Variants in DEUP1 observed in about 807,000 individuals in gnomAD.
DEUP1 encodes the protein coiled-coil domain containing 67.
In DEUP1, 82 loss-of-function variants were observed where a neutral mutation model predicts 87.4. The observed-to-expected ratio is 0.94, with a 90% CI of 0.78 to 1.13. The LOEUF (loss-of-function observed/expected upper bound fraction) is 1.13, where lower values mean the gene tolerates loss of function less well. DEUP1 is among the 50% of genes most tolerant of loss of function. The probability of loss-of-function intolerance (pLI) is 0.00; values close to 1 mark genes in which losing one functional copy is unlikely to be tolerated. For synonymous variants in DEUP1, 214 were observed against 222.7 expected (o/e 0.96, Z 0.35); for missense variants, 663 against 681.5 (o/e 0.97, Z 0.30).
chr11:93,416,774 T>A (rs1239303049), intron 13 of DEUP1, among the ~76,000 whole-genome samples: 1 of 150,650 alleles, frequency 6.6e-6, no homozygotes, highest in South Asian at 2.1e-4. Context: ...GATGCAAAAA[T>A]CCTCAATAAA....
In DEUP1 at chr11:93,369,881, G is replaced by A. The variant is rs1352196004; in HGVS notation, c.433-192G>A. On this transcript the variant is annotated intron_variant, in intron 5 of 13. Coordinates refer to ENST00000298050, the MANE Select transcript of DEUP1 (RefSeq NM_181645.4). ...CAGGGGGCGGAGCCTGCAGTGAGCCGAGATTGCGCCACTGCACTCCAGCCT... is the reference window on the plus strand; with the variant it reads ...CAGGGGGCGGAGCCTGCAGTGAGCCAAGATTGCGCCACTGCACTCCAGCCT... 3.5e-4 allele frequency among the ~76,000 whole-genome samples: 2 copies of A among 5,670 alleles called. 1 individual carries two copies. Among genetic ancestry groups the A allele is most frequent in the African/African-American group, 1.6e-3 (2 of 1,288 alleles). The allele number at this position is 5,670 out of a possible 152,430, so 3.7% of individuals were successfully genotyped here.
intron 9 of DEUP1, among the ~76,000 whole-genome samples, chr11:93,393,024 CCCTCCTCCTCCTCCTTCTACTTCTTTCT>C (rs1174605066): frequency 4.5e-5 from 6 of 133,494 alleles, no homozygotes; most frequent in Non-Finnish European, 9.3e-5. Context: ...CTCCTCTGAG[CCCTCCTCCTCCTCCTTCTACTTCTTTCT>C]CCTCCTCCTC....
intron 13 of DEUP1, among the ~76,000 whole-genome samples, chr11:93,419,556 C>G (rs1236281960): frequency 1.3e-5 from 2 of 152,130 alleles, no homozygotes; most frequent in Non-Finnish European, 1.5e-5. Flanking sequence ...ATTTTCTAGG[C>G]ACCACCAACT....
intron 7 of DEUP1, among the ~76,000 whole-genome samples, chr11:93,378,883 CTA>C (rs1946166815): frequency 6.6e-6 from 1 of 152,146 alleles, no homozygotes. Context: ...CCAGACACTG[CTA>C]TGTCTGTCCA....
chr11:93,375,578 T>TA (rs1419828584), intron 7 of DEUP1, among the ~76,000 whole-genome samples: 1 of 152,196 alleles, frequency 6.6e-6, no homozygotes, highest in Non-Finnish European at 1.5e-5. Context: ...TTATGAGGTG[T>TA]ATTGCATTTA....
At chr11:93,430,951 CT>C (rs897785856) in intron 13 of DEUP1, among the ~76,000 whole-genome samples, 3 of 151,904 alleles carry the variant, frequency 2.0e-5, no homozygotes, top group Admixed American at 6.6e-5. Flanking sequence ...CAAAAATTGG[CT>C]GGGCGTGGTG....
intron 2 of DEUP1, among the ~76,000 whole-genome samples, chr11:93,351,539 T>A (rs1944629646): frequency 6.6e-6 from 1 of 152,234 alleles, no homozygotes; most frequent in Admixed American, 6.5e-5. Context: ...TACAAGGTGA[T>A]ACATGTTGTC....
At chr11:93,355,300 C>A in intron 2 of DEUP1, 71 bp from the exon 3 acceptor site, 1 of 1,274,522 alleles carries the variant, frequency 7.8e-7, no homozygotes, top group Non-Finnish European at 1.1e-6. Flanking sequence ...CTATGCAGAG[C>A]AATGTAATAA....
At chr11:93,420,472 A>T (rs1274533079) in intron 13 of DEUP1, among the ~76,000 whole-genome samples, 1 of 151,790 alleles carries the variant, frequency 6.6e-6, no homozygotes, top group Admixed American at 6.6e-5. Flanking sequence ...AATGGGCAAA[A>T]ACTGGAAGCA....
intron 11 of DEUP1, among the ~76,000 whole-genome samples, chr11:93,407,880 C>G (rs940142314): frequency 4.7e-5 from 7 of 147,960 alleles, no homozygotes; most frequent in Non-Finnish European, 7.4e-5. Flanking sequence ...ATGGCAAAAA[C>G]CGCAATTACT....
At chr11:93,373,688 G>A in intron 7 of DEUP1, among the ~76,000 whole-genome samples, 1 of 145,356 alleles carries the variant, frequency 6.9e-6, no homozygotes, top group East Asian at 2.0e-4. Flanking sequence ...TCCACTCATT[G>A]ATTGATAGGC....
In DEUP1 at chr11:93,355,353, C is replaced by A; in HGVS notation, c.30-18C>A. ...TTTCACTACTTTAAAATGTATTTTA[C>A]TTTCCTACAATTGCCAGAACTTCTC... On this transcript the variant is annotated intron_variant, in intron 2 of 13. Coordinates refer to ENST00000298050, the MANE Select transcript of DEUP1 (RefSeq NM_181645.4). The A allele has an allele frequency of 6.2e-7, 1 of 1,609,976 alleles. No homozygotes were observed.
intron 2 of DEUP1, 119 bp downstream of exon 2, chr11:93,332,407 G>A: frequency 2.8e-6 from 2 of 724,832 alleles, no homozygotes; most frequent in Non-Finnish European, 4.7e-6. Flanking sequence ...TATTTTTGGT[G>A]AGGCGGATGA....
chr11:93,412,518 T>G (rs1398404925), intron 12 of DEUP1, among the ~76,000 whole-genome samples: 1 of 152,190 alleles, frequency 6.6e-6, no homozygotes, highest in Admixed American at 6.5e-5. Context: ...TCTCTACATT[T>G]TATTGATCTT....
intron 8 of DEUP1, among the ~76,000 whole-genome samples, chr11:93,386,008 G>A (rs982281706): frequency 5.9e-5 from 9 of 151,582 alleles, no homozygotes; most frequent in East Asian, 1.9e-4. Flanking sequence ...AGCTGTGATC[G>A]TGCCACTGTA....
chr11:93,381,354 C>T (rs1241550006), intron 7 of DEUP1, among the ~76,000 whole-genome samples: 2 of 152,144 alleles, frequency 1.3e-5, no homozygotes, highest in East Asian at 3.9e-4. Context: ...ACAAAACTGT[C>T]GTGACAGTGT....
At chr11:93,412,960 A>G (rs539804991) in intron 12 of DEUP1, among the ~76,000 whole-genome samples, 6 of 152,130 alleles carry the variant, frequency 3.9e-5, no homozygotes, top group Non-Finnish European at 8.8e-5. Context: ...AACATGTTGT[A>G]TTTGTTTTTG....
At chr11:93,416,835 T>A (rs1443725883) in intron 13 of DEUP1, among the ~76,000 whole-genome samples, 1 of 151,834 alleles carries the variant, frequency 6.6e-6, no homozygotes, top group Non-Finnish European at 1.5e-5. Context: ...TCCACCATGA[T>A]CGAGTGGGCT....
intron 13 of DEUP1, among the ~76,000 whole-genome samples, chr11:93,419,580 C>T (rs893784027): frequency 6.6e-6 from 1 of 152,106 alleles, no homozygotes; most frequent in Non-Finnish European, 1.5e-5. Flanking sequence ...AGTTGCATGA[C>T]TTTGCACAAG....
Sources: gnomAD v4.1 joint callset for allele counts (sites outside exome capture counted in the v4.1 genomes callset) on GRCh38, gnomAD v4.1.1 for gene constraint, MANE v1.5 for transcripts, NCBI Gene and HGNC (gene_info 2026-07-23, HGNC 2026-07-21) for gene names.